PANK1: variants seen among roughly 807,000 people sequenced by gnomAD.
PANK1 encodes pantothenate kinase 1.
Under a neutral mutation model 40.1 loss-of-function variants are expected in PANK1, and 18 were observed. That is an observed-to-expected ratio of 0.45 (90% CI 0.31 to 0.67). The LOEUF is 0.67. Among genes scored for constraint, PANK1 ranks in the 30% least tolerant of loss-of-function variants. The probability of loss-of-function intolerance (pLI) is 0.06; values close to 1 mark genes in which losing one functional copy is unlikely to be tolerated. For synonymous variants in PANK1, 242 were observed against 237.7 expected, an observed-to-expected ratio of 1.02 and a Z score of -0.17; for missense variants, 457 against 599.6, an observed-to-expected ratio of 0.76 and a Z score of 2.48.
intron 1 of PANK1, among the ~76,000 whole-genome samples, chr10:89,615,255 C>T (rs1845284390): frequency 1.3e-5 from 2 of 152,192 alleles, no homozygotes; most frequent in Admixed American, 1.3e-4. Context: ...AGTTCTGTAC[C>T]AGAAATGCAG....
chr10:89,593,344 G>A, intron 4 of PANK1, 24 bp from the exon 5 acceptor site: 1 of 1,611,488 alleles, frequency 6.2e-7, no homozygotes. Flanking sequence ...ATCAGCGAGA[G>A]TGTTCAAAAT....
At chr10:89,642,787 T>C (rs1589826111) in intron 1 of PANK1, among the ~76,000 whole-genome samples, 1 of 152,214 alleles carries the variant, frequency 6.6e-6, no homozygotes, top group African/African-American at 2.4e-5. Context: ...ATTTCAGACA[T>C]GATTGTTCAA....
In PANK1 at chr10:89,644,940, C is replaced by T. The variant is rs1457203503; in HGVS notation, c.-49G>A. On this transcript the variant is annotated 5_prime_UTR_variant, in exon 1 of 7. Transcript: ENST00000307534. Reference sequence around the variant, plus strand: ...GCGGGCCCCGGCTCAGGCGGCCTCGCTGGAGGTCATTCTCCGGCGTCTTTA... The same window carrying T: ...GCGGGCCCCGGCTCAGGCGGCCTCGTTGGAGGTCATTCTCCGGCGTCTTTA... The T allele has an allele frequency of 6.4e-7, 1 of 1,568,742 alleles. No individual in the cohort carries two copies.
At chr10:89,604,687 C>T (rs1364068524) in intron 2 of PANK1, among the ~76,000 whole-genome samples, 3 of 103,322 alleles carry the variant, frequency 2.9e-5, no homozygotes, top group Non-Finnish European at 3.7e-5. Flanking sequence ...ACTGAAACTC[C>T]GTCTCAAAAA....
In PANK1 at chr10:89,644,829, G is replaced by A. The variant is rs1443545367; in HGVS notation, c.63C>T (p.Gly21=). Reference sequence around the variant, plus strand: ...GCCCGTTCACAGCGGCGGCGCTGGTGCCCACGGGGGCCCCTGGAGAGTGCG... The same window carrying A: ...GCCCGTTCACAGCGGCGGCGCTGGTACCCACGGGGGCCCCTGGAGAGTGCG... ...SVPHSPGAPV[G]TSAAAVNGLL... Residue 21 remains glycine (G), a synonymous_variant, in exon 1 of 7, where the codon GGC becomes GGT. Transcript: ENST00000307534. 2.1e-6 allele frequency: 3 copies of A among 1,455,840 alleles called. No homozygotes were observed. The highest frequency in any genetic ancestry group is 2.9e-5 in the South Asian group (2 of 69,666). The allele number at this position is 1,455,840 out of a possible 1,614,324, so 90.2% of individuals were successfully genotyped here.
At chr10:89,604,159 C>T (rs1225937814) in intron 2 of PANK1, among the ~76,000 whole-genome samples, 8 of 152,152 alleles carry the variant, frequency 5.3e-5, no homozygotes, top group South Asian at 4.2e-4. Flanking sequence ...TAATGTCAAC[C>T]GAATAAGACT....
intron 1 of PANK1, among the ~76,000 whole-genome samples, chr10:89,630,015 G>A (rs902863952): frequency 2.0e-5 from 3 of 152,162 alleles, no homozygotes; most frequent in African/African-American, 4.8e-5. Context: ...GCATTACCAG[G>A]ACTTGACAGG....
In PANK1 at chr10:89,645,063, C is replaced by A; in HGVS notation, c.-172G>T. On this transcript the variant is annotated 5_prime_UTR_variant, in exon 1 of 7. Coordinates refer to ENST00000307534, the MANE Select transcript of PANK1 (RefSeq NM_148977.3). ...GCTCCTCCCCTCCTCCTGCCGACTCCCCCACCTCCTCTGCGCCCTGCCCCC... is the reference window on the plus strand; with the variant it reads ...GCTCCTCCCCTCCTCCTGCCGACTCACCCACCTCCTCTGCGCCCTGCCCCC... 6.4e-7 allele frequency: 1 copy of A among 1,557,550 alleles called. No homozygotes were observed. The highest frequency in any genetic ancestry group is 8.6e-7 in the Non-Finnish European group (1 of 1,157,118).
chr10:89,616,035 C>T (rs1008096758), intron 1 of PANK1, among the ~76,000 whole-genome samples: 1 of 152,202 alleles, frequency 6.6e-6, no homozygotes, highest in Admixed American at 6.5e-5. Context: ...GTTTTAGGTA[C>T]AGGAAGTCTG....
chr10:89,615,203 A>G (rs1845280703), intron 1 of PANK1, among the ~76,000 whole-genome samples: 1 of 152,210 alleles, frequency 6.6e-6, no homozygotes, highest in South Asian at 2.1e-4. Flanking sequence ...ACTTCCGCAC[A>G]ACAAGACCCA....
chr10:89,608,101 A>G (rs866053061), intron 2 of PANK1, among the ~76,000 whole-genome samples: 30 of 146,324 alleles, frequency 2.1e-4, no homozygotes, highest in Middle Eastern at 6.5e-3. Context: ...TTGCCATCTC[A>G]GCTTACTGCA....
downstream of PANK1, chr10:89,582,491 C>T (rs1361181493): frequency 6.6e-6 from 1 of 152,098 alleles, no homozygotes; most frequent in Admixed American, 6.6e-5. Context: ...AAAAAAAATA[C>T]AGTCACACTA....
At chr10:89,584,748 A>G (rs1242135383) in intron 6 of PANK1, among the ~76,000 whole-genome samples, 1 of 152,182 alleles carries the variant, frequency 6.6e-6, no homozygotes, top group African/African-American at 2.4e-5. Context: ...TATCTTTGTC[A>G]TGGCAAAACA....
chr10:89,594,823 A>T (rs1844515362), intron 3 of PANK1, among the ~76,000 whole-genome samples: 1 of 152,252 alleles, frequency 6.6e-6, no homozygotes, highest in African/African-American at 2.4e-5. Context: ...TATTAATATC[A>T]AAGTTACCTA....
intron 3 of PANK1, among the ~76,000 whole-genome samples, chr10:89,597,070 T>C (rs902694902): frequency 6.6e-6 from 1 of 152,180 alleles, no homozygotes; most frequent in African/African-American, 2.4e-5. Flanking sequence ...TTCTTAAAAA[T>C]AAACATCTTT....
At chr10:89,634,316 A>G (rs1359512417) in intron 1 of PANK1, among the ~76,000 whole-genome samples, 1 of 152,196 alleles carries the variant, frequency 6.6e-6, no homozygotes, top group Non-Finnish European at 1.5e-5. Context: ...GAGGGATCCA[A>G]GTAACTGGCT....
downstream of PANK1, chr10:89,580,408 G>A (rs575545280): frequency 4.6e-5 from 7 of 152,280 alleles, no homozygotes; most frequent in Admixed American, 3.3e-4. Flanking sequence ...CGCAATGTTA[G>A]CATGGAAGAC....
rs1351023046 is a variant in PANK1 at position 89,645,036 on chromosome 10, G to GCGCTCCTC, written c.-153_-146dup. The GCGCTCCTC allele has an allele frequency of 6.4e-7, 1 of 1,565,610 alleles. No individual in the cohort carries two copies. The highest frequency in any genetic ancestry group is 1.2e-5 in the South Asian group (1 of 86,546). The stretch of plus-strand genomic sequence containing the variant: ...CCGGCGCCTGGGGATGGCGAACCCG[G>GCGCTCCTC]CGCTCCTCCCCTCCTCCTGCCGACT... On this transcript the variant is annotated 5_prime_UTR_variant, in exon 1 of 7. Transcript: ENST00000307534.
At chr10:89,641,478 G>A (rs1186298482) in intron 1 of PANK1, among the ~76,000 whole-genome samples, 4 of 152,118 alleles carry the variant, frequency 2.6e-5, no homozygotes, top group African/African-American at 4.8e-5. Context: ...CAGAACCTCC[G>A]ACCAGAAGGC....
Sources: gnomAD v4.1 joint callset for allele counts (sites outside exome capture counted in the v4.1 genomes callset) on GRCh38, gnomAD v4.1.1 for gene constraint, MANE v1.5 for transcripts, NCBI Gene and HGNC (gene_info 2026-07-23, HGNC 2026-07-21) for gene names.